Variants in ROBO1 observed in about 807,000 individuals in gnomAD.
The protein encoded by ROBO1 is roundabout homolog 1.
In ROBO1, 149 loss-of-function variants were observed where a neutral mutation model predicts 195.9. The observed-to-expected ratio is 0.76, with a 90% CI of 0.67 to 0.87. The LOEUF (loss-of-function observed/expected upper bound fraction) is 0.87. Among genes scored for constraint, ROBO1 ranks in the 40% least tolerant of loss-of-function variants. The pLI is 0.00. For synonymous variants in ROBO1, 816 were observed against 733.2 expected, an observed-to-expected ratio of 1.11 and a Z score of -1.82; for missense variants, 1,933 against 2,068.3, an observed-to-expected ratio of 0.93 and a Z score of 1.27.
intron 10 of ROBO1, among the ~76,000 whole-genome samples, chr3:78,682,558 A>G (rs1227195319): frequency 6.8e-6 from 1 of 147,850 alleles, no homozygotes; most frequent in Non-Finnish European, 1.5e-5. Flanking sequence ...ATATGTGTGT[A>G]TATGTGTATA....
intron 4 of ROBO1, among the ~76,000 whole-genome samples, chr3:78,936,577 C>T (rs1201402370): frequency 1.3e-5 from 2 of 151,852 alleles, no homozygotes; most frequent in Middle Eastern, 3.4e-3. Flanking sequence ...GTCTTTTTTT[C>T]CCTTGCGATT....
chr3:78,968,907 G>T (rs554295200), intron 3 of ROBO1, among the ~76,000 whole-genome samples: 2 of 152,210 alleles, frequency 1.3e-5, no homozygotes, highest in South Asian at 4.1e-4. Flanking sequence ...TTATCTTAAT[G>T]AATCTCCATG....
chr3:78,747,126 A>C (rs2108285124), intron 4 of ROBO1, among the ~76,000 whole-genome samples: 1 of 152,300 alleles, frequency 6.6e-6, no homozygotes, highest in African/African-American at 2.4e-5. Flanking sequence ...AGAGGCCAGC[A>C]GGCGCGTGTA....
chr3:78,924,430 T>C (rs1459423630), intron 4 of ROBO1, among the ~76,000 whole-genome samples: 2 of 152,110 alleles, frequency 1.3e-5, no homozygotes, highest in Non-Finnish European at 2.9e-5. Flanking sequence ...GGGAGAGGGA[T>C]TCCTTTGTTC....
At chr3:79,247,795 T>C (rs1162229786) in intron 2 of ROBO1, among the ~76,000 whole-genome samples, 1 of 152,036 alleles carries the variant, frequency 6.6e-6, no homozygotes, top group East Asian at 1.9e-4. Context: ...AGAAAATAAT[T>C]TGTACAACAA....
intron 2 of ROBO1, among the ~76,000 whole-genome samples, chr3:79,251,377 T>C (rs1395822810): frequency 3.3e-5 from 5 of 152,180 alleles, no homozygotes; most frequent in African/African-American, 1.2e-4. Context: ...TTACTTATTG[T>C]TCAATACAAA....
chr3:78,616,558 AAAT>A (rs1276606240), intron 27 of ROBO1, among the ~76,000 whole-genome samples: 1 of 152,142 alleles, frequency 6.6e-6, no homozygotes, highest in African/African-American at 2.4e-5. Flanking sequence ...CACTGATAAA[AAAT>A]AATGGCCAAT....
intron 2 of ROBO1, among the ~76,000 whole-genome samples, chr3:79,401,566 A>T (rs2106786389): frequency 6.6e-6 from 1 of 152,012 alleles, no homozygotes; most frequent in South Asian, 2.1e-4. Flanking sequence ...AGTTGGAAGC[A>T]TTTTAATTAA....
chr3:79,354,465 C>A (rs192451461), intron 2 of ROBO1, among the ~76,000 whole-genome samples: 15 of 152,218 alleles, frequency 9.9e-5, no homozygotes, highest in Middle Eastern at 3.4e-3. Flanking sequence ...ACTTTGTATC[C>A]CTATCATTCC....
Position 78,925,456 on chromosome 3 carries a change from G to A in ROBO1, c.499+13145C>T, listed in dbSNP as rs900736268. On this transcript the variant is annotated intron_variant, in intron 4 of 30. Coordinates refer to ENST00000464233, the MANE Select transcript of ROBO1 (RefSeq NM_002941.4). ...ATTTGTTTCCAAACAGGAAAAAAAT[G>A]AGGCATAAGGCCGAGCAGGTATAAA... 2.7e-4 allele frequency among the ~76,000 whole-genome samples: 41 copies of A among 152,296 alleles called. 1 individual carries two copies. The highest frequency in any genetic ancestry group is 9.9e-4 in the African/African-American group (41 of 41,572).
chr3:78,995,518 G>A (rs945613223), intron 3 of ROBO1, among the ~76,000 whole-genome samples: 10 of 152,028 alleles, frequency 6.6e-5, no homozygotes, highest in African/African-American at 1.9e-4. Flanking sequence ...CCCGTCGATC[G>A]GGAGCATGTT....
intron 2 of ROBO1, among the ~76,000 whole-genome samples, chr3:79,233,495 G>A (rs150611946): frequency 6.6e-6 from 1 of 152,186 alleles, no homozygotes; most frequent in African/African-American, 2.4e-5. Flanking sequence ...AACTTATACA[G>A]AAGTTGAGAA....
intron 1 of ROBO1, among the ~76,000 whole-genome samples, chr3:79,712,473 G>A (rs1234641450): frequency 2.0e-5 from 3 of 152,104 alleles, no homozygotes; most frequent in Non-Finnish European, 4.4e-5. Flanking sequence ...CTGAGAGAGG[G>A]GAGAAAGCTA....
intron 3 of ROBO1, among the ~76,000 whole-genome samples, chr3:79,077,384 T>C (rs2079192511): frequency 6.6e-6 from 1 of 151,896 alleles, no homozygotes; most frequent in African/African-American, 2.4e-5. Context: ...CAATCTCACA[T>C]GGACACAAAC....
rs570427267 is a variant in ROBO1 at position 79,102,431 on chromosome 3, T to C, written c.172+23025A>G. 2.6e-5 allele frequency among the ~76,000 whole-genome samples: 4 copies of C among 151,822 alleles called. No homozygotes were observed. In the East Asian group the frequency reaches 5.8e-4, roughly 22 times the overall value. ...TTCAATCATAAGAGAGGAATTAAGC[T>C]TATTAAACATCATAAATTGCAGCCA... is the stretch of plus-strand genomic sequence containing the variant. On this transcript the variant is annotated intron_variant, in intron 3 of 30. Coordinates refer to ENST00000464233, the MANE Select transcript of ROBO1 (RefSeq NM_002941.4).
chr3:79,204,481 G>C (rs888756518), intron 2 of ROBO1, among the ~76,000 whole-genome samples: 4 of 151,866 alleles, frequency 2.6e-5, no homozygotes, highest in Non-Finnish European at 5.9e-5. Flanking sequence ...CTAACCCCTT[G>C]TTAGTACAAA....
At chr3:79,052,135 A>T (rs1011971211) in intron 3 of ROBO1, among the ~76,000 whole-genome samples, 1 of 152,092 alleles carries the variant, frequency 6.6e-6, no homozygotes, top group Non-Finnish European at 1.5e-5. Context: ...AAGCGAATAG[A>T]AGAAATATCA....
intron 2 of ROBO1, among the ~76,000 whole-genome samples, chr3:79,491,739 A>T (rs1939464722): frequency 6.6e-6 from 1 of 152,062 alleles, no homozygotes; most frequent in Non-Finnish European, 1.5e-5. Context: ...GAAGACGGGA[A>T]GAATTCAATG....
chr3:79,319,766 A>T (rs138919329), intron 2 of ROBO1, among the ~76,000 whole-genome samples: 1 of 152,112 alleles, frequency 6.6e-6, no homozygotes, highest in East Asian at 1.9e-4. Flanking sequence ...TGGACACACA[A>T]CTCAGAATAT....
Sources: allele counts gnomAD v4.1 joint callset (sites outside exome capture counted in the v4.1 genomes callset), GRCh38; gene constraint gnomAD v4.1.1; transcripts MANE v1.5; gene names NCBI Gene and HGNC (gene_info 2026-07-23, HGNC 2026-07-21).